CCDC18: variants seen among roughly 807,000 people sequenced by gnomAD.
CCDC18 encodes coiled-coil domain-containing protein 18.
Under a neutral mutation model 196.0 loss-of-function variants are expected in CCDC18, and 157 were observed. The observed-to-expected ratio is 0.80, with a 90% CI of 0.70 to 0.91. The LOEUF is 0.91. Among genes scored for constraint, CCDC18 ranks in the 40% least tolerant of loss-of-function variants. The probability of loss-of-function intolerance (pLI) is 0.00; values close to 1 mark genes in which losing one functional copy is unlikely to be tolerated. For synonymous variants in CCDC18, 482 were observed against 529.2 expected (o/e 0.91, Z 1.22); for missense variants, 1,465 against 1,611.6 (o/e 0.91, Z 1.56).
intron 6 of CCDC18, among the ~76,000 whole-genome samples, chr1:93,199,489 C>T (rs906501835): frequency 3.9e-5 from 6 of 152,252 alleles, no homozygotes; most frequent in African/African-American, 1.4e-4. Context: ...TGTCACAGCC[C>T]TGGCTCGGGA....
intron 10 of CCDC18, 39 bp downstream of exon 10, chr1:93,210,965 G>GT (rs1303095030): frequency 2.5e-6 from 4 of 1,606,456 alleles, no homozygotes; most frequent in Non-Finnish European, 3.4e-6. Flanking sequence ...CAAATAGAAT[G>GT]TTTTTTATTG....
At chr1:93,180,073 G>A (rs762564742), upstream of CCDC18, 5 of 1,613,052 alleles carry the variant, frequency 3.1e-6, no homozygotes, top group Non-Finnish European at 1.7e-6. Flanking sequence ...GATCTCCAGC[G>A]AGGCCTTCAG....
chr1:93,184,148 T>C lies in CCDC18; in HGVS notation c.303+2T>C. 2 of 1,480,326 alleles carry C rather than the reference T, an allele frequency of 1.4e-6. No homozygotes were observed. The highest frequency in any genetic ancestry group is 1.8e-6 in the Non-Finnish European group (2 of 1,104,426). The allele number at this position is 1,480,326 out of a possible 1,614,324, so 91.7% of individuals were successfully genotyped here. A position where few individuals can be genotyped will look rare whatever the true frequency, so the allele number is the denominator to read the frequency against. On this transcript the variant is annotated splice_donor_variant, in intron 3 of 28. Coordinates refer to ENST00000690025, the MANE Select transcript of CCDC18 (RefSeq NM_001378204.1). LOFTEE classifies it high-confidence loss of function. ...TTTCAAAAAAAGCCAAGAGATAAGGTTATTGTTTTTAGACCTATCTAGTTA... is the reference window on the plus strand; with the variant it reads ...TTTCAAAAAAAGCCAAGAGATAAGGCTATTGTTTTTAGACCTATCTAGTTA...
intron 1 of CCDC18, among the ~76,000 whole-genome samples, chr1:93,183,031 A>G (rs1027318640): frequency 3.9e-5 from 6 of 152,178 alleles, no homozygotes; most frequent in African/African-American, 1.2e-4. Flanking sequence ...CAAGTTATTT[A>G]ATGTCTGATT....
At position 93,214,690 on chromosome 1, in the gene CCDC18, G is replaced by A. The variant is rs1331385812; in HGVS notation, c.1496-53G>A. On this transcript the variant is annotated intron_variant, in intron 11 of 28. Transcript: ENST00000690025. ...ACTAAATCTTTCAACTATTTAAGTA[G>A]GTTTTTATTCTTGAAGTCCTATTCA... The A allele has an allele frequency of 2.2e-5, 28 of 1,268,872 alleles. No individual in the cohort carries two copies. The East Asian group carries it at 6.0e-4, about 27-fold the overall frequency. 78.6% of individuals were successfully genotyped at this position (1,268,872 alleles called of 1,614,324 possible).
At chr1:93,216,075 T>A (rs1284739927) in intron 12 of CCDC18, among the ~76,000 whole-genome samples, 1 of 152,224 alleles carries the variant, frequency 6.6e-6, no homozygotes, top group Non-Finnish European at 1.5e-5. Context: ...AAAAGAACTA[T>A]AAGATAGGAA....
intron 9 of CCDC18, 71 bp downstream of exon 9, chr1:93,207,469 G>A (rs1654890351): frequency 8.5e-7 from 1 of 1,169,732 alleles, no homozygotes; most frequent in Non-Finnish European, 1.2e-6. Context: ...CTATCATTTT[G>A]TGGTTGCTTT....
chr1:93,205,046 T>A (rs141455977), intron 7 of CCDC18, among the ~76,000 whole-genome samples: 35 of 152,194 alleles, frequency 2.3e-4, no homozygotes, highest in Non-Finnish European at 4.6e-4. Flanking sequence ...GCCCTATAGT[T>A]AGGTGGATGT....
intron 17 of CCDC18, among the ~76,000 whole-genome samples, chr1:93,227,291 T>C (rs1165583029): frequency 6.7e-6 from 1 of 149,086 alleles, no homozygotes; most frequent in Non-Finnish European, 1.5e-5. Flanking sequence ...CCTGAGTAGC[T>C]GGGACTATAG....
chr1:93,201,898 A>T lies in CCDC18; in HGVS notation c.705A>T (p.Glu235Asp). ...LEQTKQGKRA[E>D]RQRNEALYNA... ...ATCTCTTTTTAAATTTTAGAGCTGA[A>T]CGACAAAGGAATGAAGCACTATATA... The change falls in exon 7 of 29, where the codon GAA becomes GAT. Residue 235 changes from glutamate to aspartate, a missense_variant. By Grantham distance (45) the Glu-to-Asp change is conservative. Transcript: ENST00000690025. 6.3e-7 allele frequency: 1 copy of T among 1,578,632 alleles called. No homozygotes were observed. The highest frequency in any genetic ancestry group is 8.6e-7 in the Non-Finnish European group (1 of 1,164,172).
intron 6 of CCDC18, among the ~76,000 whole-genome samples, chr1:93,200,790 A>C (rs1035195017): frequency 6.6e-6 from 1 of 152,214 alleles, no homozygotes; most frequent in African/African-American, 2.4e-5. Flanking sequence ...ACTTTTTACA[A>C]ATTGGAAGTG....
At chr1:93,265,165 A>C (rs1329389646) in intron 27 of CCDC18, among the ~76,000 whole-genome samples, 1 of 152,168 alleles carries the variant, frequency 6.6e-6, no homozygotes, top group Non-Finnish European at 1.5e-5. Flanking sequence ...GATGTACCTA[A>C]AAAAAGGTAG....
intron 27 of CCDC18, among the ~76,000 whole-genome samples, chr1:93,268,313 T>C (rs1088319): frequency 0.29 from 43,624 of 151,998 alleles, 9,476 homozygotes; most frequent in African/African-American, 0.61. Context: ...GACCTAAAAC[T>C]ATAAAAACCC....
chr1:93,235,463 GTGT>G (rs1163315424), intron 18 of CCDC18, among the ~76,000 whole-genome samples: 7 of 152,198 alleles, frequency 4.6e-5, no homozygotes, highest in African/African-American at 1.7e-4. Context: ...GAAGTCACTG[GTGT>G]TGTAATCCCT....
chr1:93,254,605 A>C lies in CCDC18; in HGVS notation c.3333A>C (p.Glu1111Asp). 1.2e-6 allele frequency: 2 copies of C among 1,609,668 alleles called. No individual in the cohort carries two copies. The highest frequency in any genetic ancestry group is 2.2e-5 in the East Asian group (1 of 44,676). ...EIERTQQRMK[E>D]MESVMKEQEQ... ...AAAGAACACAACAAAGGATGAAAGA[A>C]ATGGAGAGTGTAAGCAAATTATTTC... Residue 1111 changes from glutamate to aspartate, a missense_variant, in exon 24 of 29, where the codon GAA becomes GAC. Coordinates refer to ENST00000690025, the MANE Select transcript of CCDC18 (RefSeq NM_001378204.1).
chr1:93,204,608 G>A (rs1048230392), intron 7 of CCDC18, among the ~76,000 whole-genome samples: 5 of 152,094 alleles, frequency 3.3e-5, no homozygotes, highest in Non-Finnish European at 5.9e-5. Context: ...TTTTAGAGGA[G>A]AAGTTACCAA....
chr1:93,257,158 G>A (rs188779561), intron 25 of CCDC18, among the ~76,000 whole-genome samples: 6 of 130,732 alleles, frequency 4.6e-5, no homozygotes, highest in Admixed American at 3.8e-4. Context: ...CTTGAATCCC[G>A]AAGGCAGAAG....
chr1:93,199,756 AG>A (rs1403528766), intron 6 of CCDC18: 2 of 152,344 alleles, frequency 1.3e-5, no homozygotes, highest in African/African-American at 4.8e-5. Context: ...CACAGTGGGT[AG>A]CTCCTCTGAA....
chr1:93,190,676 CT>C (rs199651874), intron 4 of CCDC18: 44,563 of 301,228 alleles, frequency 0.15, 2 homozygotes, highest in South Asian at 0.21. Context: ...TTTTCTTTCC[CT>C]TTTTTTTTTT....
Sources: allele counts gnomAD v4.1 joint callset (sites outside exome capture counted in the v4.1 genomes callset), GRCh38; gene constraint gnomAD v4.1.1; transcripts MANE v1.5; gene names NCBI Gene and HGNC (gene_info 2026-07-23, HGNC 2026-07-21).